Variants in HPSE2 observed in about 807,000 individuals in gnomAD.
HPSE2 encodes the protein inactive heparanase-2.
HPSE2 carries 38 observed loss-of-function variants against 60.5 expected under a neutral mutation model. The ratio of observed to expected loss-of-function variants is 0.63; its 90% confidence interval spans 0.48 to 0.82. The LOEUF (loss-of-function observed/expected upper bound fraction) is 0.82. Among genes scored for constraint, HPSE2 ranks in the 40% least tolerant of loss-of-function variants. The pLI, the probability that HPSE2 is intolerant of heterozygous loss-of-function variation, is 0.00. For synonymous variants in HPSE2, 295 were observed against 293.2 expected, an observed-to-expected ratio of 1.01 and a Z score of -0.06; for missense variants, 713 against 740.4, an observed-to-expected ratio of 0.96 and a Z score of 0.43.
At chr10:98,462,851 T>A (rs1940357223) in intron 11 of HPSE2, among the ~76,000 whole-genome samples, 2 of 152,122 alleles carry the variant, frequency 1.3e-5, no homozygotes, top group East Asian at 3.9e-4. Context: ...CTACCCTACC[T>A]ACATTCTTTC....
chr10:98,740,019 T>A (rs139857357), intron 4 of HPSE2, among the ~76,000 whole-genome samples: 12 of 152,290 alleles, frequency 7.9e-5, no homozygotes, highest in African/African-American at 2.9e-4. Flanking sequence ...ATGGTTAATA[T>A]AAATGTAAAA....
At chr10:98,543,004 G>A (rs1943527258) in intron 9 of HPSE2, among the ~76,000 whole-genome samples, 1 of 152,034 alleles carries the variant, frequency 6.6e-6, no homozygotes, top group Non-Finnish European at 1.5e-5. Context: ...CTCGAGAAGA[G>A]CAACTCCAAG....
intron 2 of HPSE2, among the ~76,000 whole-genome samples, chr10:99,204,497 A>G (rs1233395639): frequency 6.6e-6 from 1 of 152,256 alleles, no homozygotes; most frequent in Admixed American, 6.5e-5. Flanking sequence ...AACAGGAAAC[A>G]TGAAAAAAAC....
At chr10:98,482,470 A>G (rs1311064104) in intron 11 of HPSE2, among the ~76,000 whole-genome samples, 166 bp downstream of exon 11, 1 of 152,200 alleles carries the variant, frequency 6.6e-6, no homozygotes, top group Non-Finnish European at 1.5e-5. Context: ...GGGCTTGAAC[A>G]TGTTCCCAAA....
chr10:99,207,670 A>G (rs887561555), intron 2 of HPSE2, among the ~76,000 whole-genome samples: 1 of 152,178 alleles, frequency 6.6e-6, no homozygotes, highest in Non-Finnish European at 1.5e-5. Context: ...TAACATGTGG[A>G]GGGAGTAGAG....
chr10:98,633,248 G>T (rs1453351671), intron 7 of HPSE2, among the ~76,000 whole-genome samples: 2 of 151,748 alleles, frequency 1.3e-5, no homozygotes, highest in Non-Finnish European at 2.9e-5. Flanking sequence ...GCCCAGGCTG[G>T]AGTGCAGTGG....
rs374039604 is a variant in HPSE2 at position 98,644,862 on chromosome 10, G to T, written c.1005-2922C>A. Among the ~76,000 whole-genome samples, 10 of 152,334 alleles carry T rather than the reference G, an allele frequency of 6.6e-5. No individual in the cohort carries two copies. The East Asian group carries it at 1.9e-3, about 29-fold the overall frequency. ...CTTGTCCCCAGTTTTACCCTTACAA[G>T]CTGTATCCAATCATTCTCAGGTAAT... On this transcript the variant is annotated intron_variant, in intron 6 of 11. Coordinates refer to ENST00000370552, the MANE Select transcript of HPSE2 (RefSeq NM_021828.5).
chr10:98,733,717 A>G (rs1589730324), intron 4 of HPSE2, among the ~76,000 whole-genome samples: 1 of 152,182 alleles, frequency 6.6e-6, no homozygotes, highest in East Asian at 1.9e-4. Context: ...CAAATATAGG[A>G]TGACAATATT....
chr10:99,304,025 G>C, the HPSE2 span, among the ~76,000 whole-genome samples: 1 of 152,162 alleles, frequency 6.6e-6, no homozygotes, highest in Non-Finnish European at 1.5e-5. Flanking sequence ...TACGGTTTGA[G>C]CCTATGCCCA....
At chr10:98,482,535 G>T in intron 11 of HPSE2, 101 bp downstream of exon 11, 1 of 1,433,598 alleles carries the variant, frequency 7.0e-7, no homozygotes, top group Non-Finnish European at 9.8e-7. Flanking sequence ...CCATCCCACT[G>T]AGCCCTTGAG....
At position 99,206,909 on chromosome 10, in the gene HPSE2, G is replaced by A. The variant is rs962561631; in HGVS notation, c.448+25439C>T. On this transcript the variant is annotated intron_variant, in intron 2 of 11. Coordinates refer to ENST00000370552, the MANE Select transcript of HPSE2 (RefSeq NM_021828.5). ...AATGAAGAAAGTTTACAAGATTTAT[G>A]AGACAGCATCAAAAGGACAAATTTT... Among the ~76,000 whole-genome samples the A allele has an allele frequency of 2.0e-5, 3 of 152,052 alleles. 1 individual carries two copies. Among genetic ancestry groups the A allele is most frequent in the African/African-American group, 7.2e-5 (3 of 41,422 alleles).
At chr10:98,928,417 A>G (rs374516350) in intron 3 of HPSE2, among the ~76,000 whole-genome samples, 183 of 91,698 alleles carry the variant, frequency 2.0e-3, no homozygotes, top group African/African-American at 8.0e-3. Flanking sequence ...CAACCATTGT[A>G]GAAGTCAGTG....
chr10:98,518,461 T>G (rs1280378691), intron 9 of HPSE2, among the ~76,000 whole-genome samples: 3 of 152,096 alleles, frequency 2.0e-5, no homozygotes, highest in Non-Finnish European at 4.4e-5. Flanking sequence ...ATCCCAGCAC[T>G]TCAGGAGGCT....
chr10:99,094,981 A>G (rs1209289281), intron 3 of HPSE2, among the ~76,000 whole-genome samples: 1 of 152,092 alleles, frequency 6.6e-6, no homozygotes, highest in African/African-American at 2.4e-5. Context: ...TGAGGTCAGG[A>G]GTTCCAAACC....
chr10:98,983,113 C>T (rs578057416), intron 3 of HPSE2, among the ~76,000 whole-genome samples: 2 of 152,318 alleles, frequency 1.3e-5, no homozygotes, highest in South Asian at 2.1e-4. Flanking sequence ...TCATGGAAGA[C>T]AATTTTTTCC....
At chr10:98,630,000 A>G (rs950102150) in intron 7 of HPSE2, among the ~76,000 whole-genome samples, 1 of 152,124 alleles carries the variant, frequency 6.6e-6, no homozygotes, top group African/African-American at 2.4e-5. Context: ...TTTAGACACG[A>G]TAAAATAAAG....
At chr10:98,605,234 A>G (rs1348197249) in intron 9 of HPSE2, among the ~76,000 whole-genome samples, 2 of 152,154 alleles carry the variant, frequency 1.3e-5, no homozygotes, top group Admixed American at 1.3e-4. Flanking sequence ...TTCCTATGCA[A>G]GGCACCTTAT....
At chr10:99,048,245 G>C (rs534185455) in intron 3 of HPSE2, 5 of 548,152 alleles carry the variant, frequency 9.1e-6, no homozygotes, top group Admixed American at 2.4e-5. Flanking sequence ...ATGCTTCAAA[G>C]AAGCAAATAA....
the HPSE2 span, among the ~76,000 whole-genome samples, chr10:99,246,469 G>C: frequency 3.9e-5 from 6 of 152,304 alleles, no homozygotes; most frequent in Admixed American, 3.9e-4. Flanking sequence ...ATTTGTGGCC[G>C]TGCGTGATGG....
Sources: allele counts gnomAD v4.1 joint callset (sites outside exome capture counted in the v4.1 genomes callset), GRCh38; gene constraint gnomAD v4.1.1; transcripts MANE v1.5; gene names NCBI Gene and HGNC (gene_info 2026-07-23, HGNC 2026-07-21).